The following ANO10 variants were observed in gnomAD, a reference collection of about 807,000 sequenced individuals.
ANO10 encodes the protein anoctamin-10.
A neutral mutation model predicts 74.7 loss-of-function variants in ANO10; 77 were observed. That is an observed-to-expected ratio of 1.03 (90% CI 0.86 to 1.25). ANO10 has a LOEUF of 1.25. Ranked by LOEUF, ANO10 falls within the 50% of genes most tolerant of loss-of-function variation. The probability of loss-of-function intolerance (pLI) is 0.00; values close to 1 mark genes in which losing one functional copy is unlikely to be tolerated. For synonymous variants in ANO10, 279 were observed against 284.9 expected (o/e 0.98, Z 0.21); for missense variants, 721 against 778.1 (o/e 0.93, Z 0.87).
intron 1 of ANO10, among the ~76,000 whole-genome samples, chr3:43,629,099 C>G (rs2083521055): frequency 6.6e-6 from 1 of 152,198 alleles, no homozygotes; most frequent in African/African-American, 2.4e-5. Flanking sequence ...AACCTACCAA[C>G]ATGTGATGTC....
chr3:43,616,601 C>T (rs530407495), intron 1 of ANO10, among the ~76,000 whole-genome samples: 2 of 152,276 alleles, frequency 1.3e-5, no homozygotes, highest in South Asian at 4.1e-4. Flanking sequence ...AGCCTAGCCC[C>T]TTTAAGGCTC....
chr3:43,545,780 T>C (rs1025700065), intron 11 of ANO10, among the ~76,000 whole-genome samples: 6 of 152,238 alleles, frequency 3.9e-5, no homozygotes, highest in African/African-American at 1.4e-4. Context: ...TTTTGAAATA[T>C]GTATATCCTA....
intron 11 of ANO10, among the ~76,000 whole-genome samples, chr3:43,444,350 T>G (rs1281163887): frequency 1.3e-5 from 2 of 152,162 alleles, no homozygotes; most frequent in East Asian, 3.9e-4. Flanking sequence ...CTAGAGCAGA[T>G]CTGATGATGG....
At chr3:43,511,194 GTAT>G (rs1333239553) in intron 11 of ANO10, among the ~76,000 whole-genome samples, 2 of 152,054 alleles carry the variant, frequency 1.3e-5, no homozygotes, top group South Asian at 2.1e-4. Context: ...AAAATAAAAA[GTAT>G]TATTATATTT....
chr3:43,471,247 T>C (rs2075846249), intron 11 of ANO10, among the ~76,000 whole-genome samples: 1 of 152,118 alleles, frequency 6.6e-6, no homozygotes, highest in African/African-American at 2.4e-5. Context: ...GTATATCCAA[T>C]TAAAACAGAA....
intron 4 of ANO10, among the ~76,000 whole-genome samples, chr3:43,595,138 A>G (rs573561521): frequency 6.6e-6 from 1 of 152,324 alleles, no homozygotes; most frequent in South Asian, 2.1e-4. Context: ...ACCAACCAAA[A>G]AAAGTCCAGG....
intron 5 of ANO10, among the ~76,000 whole-genome samples, chr3:43,580,068 C>G (rs2081194062): frequency 6.7e-6 from 1 of 149,590 alleles, no homozygotes; most frequent in South Asian, 2.1e-4. Flanking sequence ...TTGATTAAGT[C>G]TGGAAGGTCA....
chr3:43,536,229 CTTTATA>C (rs904562653), intron 11 of ANO10, among the ~76,000 whole-genome samples: 1 of 152,100 alleles, frequency 6.6e-6, no homozygotes, highest in African/African-American at 2.4e-5. Flanking sequence ...CAAATACAAA[CTTTATA>C]TTTATTAATG....
intron 12 of ANO10, among the ~76,000 whole-genome samples, chr3:43,392,041 CTTCTGGTCAGTGGAGT>C (rs1342514359): frequency 6.6e-6 from 1 of 152,098 alleles, no homozygotes; most frequent in East Asian, 1.9e-4. Flanking sequence ...TTTCATGGAG[CTTCTGGTCAGTGGAGT>C]AATAAAGTAT....
chr3:43,415,450 T>C (rs2092723750), intron 12 of ANO10, among the ~76,000 whole-genome samples: 1 of 152,192 alleles, frequency 6.6e-6, no homozygotes, highest in Non-Finnish European at 1.5e-5. Context: ...ATTTTGATTA[T>C]GTCCTCAGCA....
chr3:43,521,448 G>GA (rs1414013949), intron 11 of ANO10, among the ~76,000 whole-genome samples: 1 of 152,120 alleles, frequency 6.6e-6, no homozygotes, highest in African/African-American at 2.4e-5. Flanking sequence ...TTACTTCTAG[G>GA]AAAAATGATA....
At chr3:43,552,120 ATT>A (rs1335133711) in intron 10 of ANO10, among the ~76,000 whole-genome samples, 1 of 152,162 alleles carries the variant, frequency 6.6e-6, no homozygotes, top group Non-Finnish European at 1.5e-5. Context: ...TGCTCTAGGT[ATT>A]ATATATCCGT....
At chr3:43,509,053 T>C (rs1438514646) in intron 11 of ANO10, among the ~76,000 whole-genome samples, 1 of 151,468 alleles carries the variant, frequency 6.6e-6, no homozygotes, top group Non-Finnish European at 1.5e-5. Context: ...AAAGGATGAA[T>C]TCATGTCCTT....
intron 1 of ANO10, among the ~76,000 whole-genome samples, chr3:43,617,631 G>T (rs941699815): frequency 2.0e-5 from 3 of 152,170 alleles, no homozygotes; most frequent in Non-Finnish European, 4.4e-5. Context: ...GAGAGGTCAG[G>T]GGAGTGTGTG....
At chr3:43,641,264 A>AAT (rs2083667437) in intron 1 of ANO10, among the ~76,000 whole-genome samples, 1 of 152,202 alleles carries the variant, frequency 6.6e-6, no homozygotes, top group South Asian at 2.1e-4. Flanking sequence ...TTCATGCTGT[A>AAT]ATAAACTCTC....
At chr3:43,412,120 T>A (rs191325100) in intron 12 of ANO10, among the ~76,000 whole-genome samples, 1 of 151,260 alleles carries the variant, frequency 6.6e-6, no homozygotes, top group African/African-American at 2.4e-5. Flanking sequence ...TGGATAGTTA[T>A]AAATGGACAT....
chr3:43,650,631 G>A (rs2083776994), intron 1 of ANO10, among the ~76,000 whole-genome samples: 1 of 152,190 alleles, frequency 6.6e-6, no homozygotes, highest in Non-Finnish European at 1.5e-5. Context: ...CAGGATTAGA[G>A]CAGAGCTTAG....
chr3:43,556,162 C>T (rs1388313790), intron 9 of ANO10, among the ~76,000 whole-genome samples: 2 of 152,152 alleles, frequency 1.3e-5, no homozygotes, highest in African/African-American at 4.8e-5. Context: ...GCATCAATCT[C>T]TTTCTCTGAA....
Position 43,642,993 on chromosome 3 carries a change from A to G in ANO10, c.-11-37130T>C, listed in dbSNP as rs560118751. On this transcript the variant is annotated intron_variant, in intron 1 of 3. Transcript: ENST00000413397. ...TGTTGTGTTACATAACCTTGTGCAAATGTTACTGATTATTTGTAGAGATGT... is the reference window on the plus strand; with the variant it reads ...TGTTGTGTTACATAACCTTGTGCAAGTGTTACTGATTATTTGTAGAGATGT... 2.0e-5 allele frequency among the ~76,000 whole-genome samples: 3 copies of G among 151,602 alleles called. No individual in the cohort carries two copies. In the South Asian group the frequency reaches 6.3e-4, roughly 32 times the overall value.
Sources: allele counts gnomAD v4.1 joint callset (sites outside exome capture counted in the v4.1 genomes callset), GRCh38; gene constraint gnomAD v4.1.1; transcripts MANE v1.5; gene names NCBI Gene and HGNC (gene_info 2026-07-23, HGNC 2026-07-21).